SOS2: variants seen among roughly 807,000 people sequenced by gnomAD.
SOS2 encodes the protein SOS Ras/Rho guanine nucleotide exchange factor 2.
A neutral mutation model predicts 148.2 loss-of-function variants in SOS2; 65 were observed. The observed-to-expected ratio is 0.44, with a 90% CI of 0.36 to 0.54. The LOEUF is 0.54. Among genes scored for constraint, SOS2 ranks in the 20% least tolerant of loss-of-function variants. The pLI is 0.00. For missense variants in SOS2, 1,341 were observed against 1,590.2 expected, an observed-to-expected ratio of 0.84 and a Z score of 2.67; for synonymous variants, 539 against 537.1, an observed-to-expected ratio of 1.00 and a Z score of -0.05.
chr14:50,178,647 A>AGTGTGTGT (rs1291991897), intron 7 of SOS2, among the ~76,000 whole-genome samples: 8 of 89,212 alleles, frequency 9.0e-5, no homozygotes, highest in African/African-American at 3.7e-4. Context: ...CATGCCCGCT[A>AGTGTGTGT]GTGTGTGTGT....
In SOS2 at chr14:50,129,950, A is replaced by G. The variant is rs750835447; in HGVS notation, c.3379+11T>C. ...GTCATTTCATTAAGAATCAACTTAAATTATACTTACTTGAATGTGGCAAAA... is the reference window on the plus strand; with the variant it reads ...GTCATTTCATTAAGAATCAACTTAAGTTATACTTACTTGAATGTGGCAAAA... On this transcript the variant is annotated intron_variant, in intron 21 of 22. Transcript: ENST00000216373. 1 of 1,535,936 alleles carries G rather than the reference A, an allele frequency of 6.5e-7. No individual in the cohort carries two copies. Among genetic ancestry groups the G allele is most frequent in the Non-Finnish European group, 9.0e-7 (1 of 1,114,948 alleles).
chr14:50,127,519 A>G (rs1398077501), intron 21 of SOS2, among the ~76,000 whole-genome samples: 1 of 152,172 alleles, frequency 6.6e-6, no homozygotes, highest in Non-Finnish European at 1.5e-5. Context: ...TACAGCAGGT[A>G]CTCAAGACAG....
intron 12 of SOS2, among the ~76,000 whole-genome samples, chr14:50,154,749 C>G (rs1337352823): frequency 6.6e-6 from 1 of 152,102 alleles, no homozygotes; most frequent in African/African-American, 2.4e-5. Context: ...TAAAACTAAT[C>G]TATGGAGGGA....
chr14:50,207,338 C>A (rs1247764403), intron 1 of SOS2, among the ~76,000 whole-genome samples: 3 of 151,372 alleles, frequency 2.0e-5, no homozygotes, highest in East Asian at 2.0e-4. Context: ...CATGGCAAGA[C>A]CTCATCTCTC....
At chr14:50,126,462 T>C (rs555523643) in intron 21 of SOS2, among the ~76,000 whole-genome samples, 1 of 152,232 alleles carries the variant, frequency 6.6e-6, no homozygotes, top group East Asian at 1.9e-4. Flanking sequence ...CATCAGATTG[T>C]ACCCCATAAA....
At chr14:50,181,844 TAG>T (rs1885751154) in intron 6 of SOS2, among the ~76,000 whole-genome samples, 1 of 152,082 alleles carries the variant, frequency 6.6e-6, no homozygotes, top group Non-Finnish European at 1.5e-5. Flanking sequence ...ATTATTTTTA[TAG>T]TCATTTAAAA....
At chr14:50,130,903 C>T in intron 19 of SOS2, 141 bp from the exon 20 acceptor site, 1 of 622,882 alleles carries the variant, frequency 1.6e-6, no homozygotes, top group Non-Finnish European at 2.7e-6. Context: ...GCAATGACAG[C>T]CTGTATCATT....
At chr14:50,156,160 TG>T (rs1884810843) in intron 12 of SOS2, 1 of 151,948 alleles carries the variant, frequency 6.6e-6, no homozygotes, top group Non-Finnish European at 1.5e-5. Context: ...TAAGATAACT[TG>T]GTTTCCAATG....
chr14:50,149,729 T>C (rs1884602950), intron 14 of SOS2, among the ~76,000 whole-genome samples: 1 of 152,102 alleles, frequency 6.6e-6, no homozygotes, highest in Non-Finnish European at 1.5e-5. Context: ...GACCTCAAAC[T>C]AAACCAAGGT....
chr14:50,227,956 T>C (rs1887430399), intron 1 of SOS2, among the ~76,000 whole-genome samples: 1 of 152,190 alleles, frequency 6.6e-6, no homozygotes, highest in Non-Finnish European at 1.5e-5. Context: ...TACAGTGCTA[T>C]GCTTGAATCT....
At position 50,182,518 on chromosome 14, in the gene SOS2, G is replaced by C; in HGVS notation, c.803C>G (p.Thr268Ser). The C allele has an allele frequency of 6.2e-7, 1 of 1,613,476 alleles. No homozygotes were observed. The highest frequency in any genetic ancestry group is 8.5e-7 in the Non-Finnish European group (1 of 1,179,466). Residue 268 changes from threonine (T) to serine (S), a missense_variant, in exon 6 of 23, where the codon ACT becomes AGT. Transcript: ENST00000216373. ...LGLIEDTVEM[T>S]DESSPHPLAG... Reference sequence around the variant, plus strand: ...TAAGGGATGAGGACTGCTTTCATCAGTCATTTCAACTGTGTCTTCAATCAA... The same window carrying C: ...TAAGGGATGAGGACTGCTTTCATCACTCATTTCAACTGTGTCTTCAATCAA...
At chr14:50,189,287 T>G (rs1436110958) in intron 4 of SOS2, among the ~76,000 whole-genome samples, 1 of 122,738 alleles carries the variant, frequency 8.1e-6, no homozygotes, top group Non-Finnish European at 1.6e-5. Context: ...TATGTATATG[T>G]ATATATGTAT....
At chr14:50,179,207 A>C (rs562751748) in intron 7 of SOS2, among the ~76,000 whole-genome samples, 15 of 152,296 alleles carry the variant, frequency 9.8e-5, no homozygotes, top group Middle Eastern at 3.4e-3. Flanking sequence ...GTAAAAAATA[A>C]TATAAAGACA....
chr14:50,151,655 A>C (rs1255565471), intron 13 of SOS2, among the ~76,000 whole-genome samples: 1 of 152,176 alleles, frequency 6.6e-6, no homozygotes, highest in Non-Finnish European at 1.5e-5. Flanking sequence ...AATTTATTCT[A>C]ATGTGTGTGT....
chr14:50,229,226 A>G (rs1156874160), intron 1 of SOS2, among the ~76,000 whole-genome samples: 1 of 152,124 alleles, frequency 6.6e-6, no homozygotes, highest in Non-Finnish European at 1.5e-5. Flanking sequence ...CTTTTACCAA[A>G]ATTTTTCCAA....
chr14:50,219,898 G>A (rs1887149123), intron 1 of SOS2, among the ~76,000 whole-genome samples: 1 of 151,946 alleles, frequency 6.6e-6, no homozygotes. Flanking sequence ...TGTCACCCAG[G>A]CTGGAGTGCA....
chr14:50,187,192 T>G (rs1233125875), intron 5 of SOS2, among the ~76,000 whole-genome samples: 1 of 152,064 alleles, frequency 6.6e-6, no homozygotes, highest in Non-Finnish European at 1.5e-5. Context: ...TAAATTTTTT[T>G]GTAGAGACTG....
chr14:50,210,987 A>C (rs985150531), intron 1 of SOS2, among the ~76,000 whole-genome samples: 1 of 152,108 alleles, frequency 6.6e-6, no homozygotes, highest in Non-Finnish European at 1.5e-5. Context: ...TTAAGTACTA[A>C]AGTTCAAGAT....
Position 50,156,992 on chromosome 14 carries a change from G to T in SOS2, c.2057+7C>A. ...ATATATATATATAAAAAATATTCAA[G>T]CCAAACCTAAGTTGTACTGGTTGGA... On this transcript the variant is annotated splice_region_variant and intron_variant, in intron 12 of 22. Coordinates refer to ENST00000216373, the MANE Select transcript of SOS2 (RefSeq NM_006939.4). 6.5e-7 allele frequency: 1 copy of T among 1,540,010 alleles called. No individual in the cohort carries two copies. The highest frequency in any genetic ancestry group is 8.8e-7 in the Non-Finnish European group (1 of 1,133,878).
Sources: gnomAD v4.1 joint callset for allele counts (sites outside exome capture counted in the v4.1 genomes callset) on GRCh38, gnomAD v4.1.1 for gene constraint, MANE v1.5 for transcripts, NCBI Gene and HGNC (gene_info 2026-07-23, HGNC 2026-07-21) for gene names.